MAST4: variants seen among roughly 807,000 people sequenced by gnomAD.
The protein encoded by MAST4 is microtubule associated serine/threonine kinase family member 4, also known as microtubule-associated serine/threonine-protein kinase 4.
In MAST4, 89 loss-of-function variants were observed where a neutral mutation model predicts 162.7. The observed-to-expected ratio is 0.55, with a 90% CI of 0.46 to 0.65. The LOEUF is 0.65. Ranked by LOEUF, MAST4 falls within the 30% of genes least tolerant of loss-of-function variation. The probability of loss-of-function intolerance (pLI) is 0.00; values close to 1 mark genes in which losing one functional copy is unlikely to be tolerated. For missense variants in MAST4, 3,153 were observed against 3,374.0 expected (o/e 0.93, Z 1.62); for synonymous variants, 1,479 against 1,361.1 (o/e 1.09, Z -1.91).
chr5:66,809,831 G>A (rs1033968036), intron 3 of MAST4, among the ~76,000 whole-genome samples: 4 of 152,150 alleles, frequency 2.6e-5, no homozygotes, highest in African/African-American at 9.7e-5. Flanking sequence ...CAACTCCCTG[G>A]TTCAAGTGAT....
chr5:66,987,776 A>G (rs1166415115), intron 4 of MAST4, among the ~76,000 whole-genome samples: 1 of 152,192 alleles, frequency 6.6e-6, no homozygotes, highest in Admixed American at 6.5e-5. Context: ...TTTAGGGATG[A>G]TTATATAAAC....
chr5:67,157,934 T>G (rs1434245817), intron 26 of MAST4, among the ~76,000 whole-genome samples: 1 of 152,206 alleles, frequency 6.6e-6, no homozygotes, highest in Non-Finnish European at 1.5e-5. Flanking sequence ...AAGTCAATCC[T>G]GAATTGTATT....
Position 67,163,541 on chromosome 5 carries a change from C to A in MAST4, c.4362C>A (p.Tyr1454Ter). ...VQSEEKLSPSYGSDKKHLCSR... is the reference protein window; with the variant it reads ...VQSEEKLSPS ...CCGAGGAGAAGCTGTCGCCCTCTTA[C>A]GGCAGTGACAAGAAGCACCTGTGCT... The change falls in exon 29 of 29, where the codon TAC becomes TAA. Residue 1454 changes from tyrosine (Y) to a stop codon, truncating the protein, a stop_gained. Transcript: ENST00000403625. LOFTEE classifies it low-confidence loss of function (END_TRUNC). The surrounding 1 kb of genome is among the most constrained non-coding windows in gnomAD (Gnocchi z 7.0). The A allele has an allele frequency of 6.2e-7, 1 of 1,601,150 alleles. No individual in the cohort carries two copies. The highest frequency in any genetic ancestry group is 8.5e-7 in the Non-Finnish European group (1 of 1,174,274).
At chr5:67,070,487 A>C (rs539228953) in intron 5 of MAST4, among the ~76,000 whole-genome samples, 27 of 152,342 alleles carry the variant, frequency 1.8e-4, no homozygotes, top group South Asian at 6.2e-4. Flanking sequence ...CTTTACTAGC[A>C]GGGTAGAAGT....
At chr5:66,900,945 T>C (rs1450744309) in intron 4 of MAST4, among the ~76,000 whole-genome samples, 1 of 152,150 alleles carries the variant, frequency 6.6e-6, no homozygotes, top group African/African-American at 2.4e-5. Flanking sequence ...ACTGGATTAT[T>C]ATTTTCGGAG....
At chr5:66,848,779 A>T (rs1759080196) in intron 3 of MAST4, among the ~76,000 whole-genome samples, 1 of 151,980 alleles carries the variant, frequency 6.6e-6, no homozygotes, top group South Asian at 2.1e-4. Context: ...TACTTATGAA[A>T]GTTGTACTCA....
intron 4 of MAST4, among the ~76,000 whole-genome samples, chr5:66,918,973 C>T (rs537853623): frequency 4.9e-4 from 75 of 151,970 alleles, no homozygotes; most frequent in Non-Finnish European, 9.0e-4. Context: ...CATGGTGGCA[C>T]GTGCCTGTAA....
At chr5:66,810,250 G>T (rs1045574811) in intron 3 of MAST4, among the ~76,000 whole-genome samples, 11 of 152,160 alleles carry the variant, frequency 7.2e-5, no homozygotes, top group Admixed American at 2.0e-4. Flanking sequence ...GATGGATGGT[G>T]TAACAAATAC....
intron 1 of MAST4, among the ~76,000 whole-genome samples, chr5:66,714,657 A>G (rs1405025805): frequency 1.3e-5 from 2 of 152,250 alleles, no homozygotes; most frequent in African/African-American, 4.8e-5. Context: ...AACTGAATAT[A>G]ATACCTACAA....
intron 3 of MAST4, among the ~76,000 whole-genome samples, chr5:66,842,510 G>A (rs950445723): frequency 4.6e-5 from 7 of 152,092 alleles, no homozygotes; most frequent in Admixed American, 6.5e-5. Flanking sequence ...CCACGTGTGG[G>A]TTCACTGACC....
chr5:67,161,128 G>C (rs1293037482), intron 27 of MAST4, among the ~76,000 whole-genome samples: 1 of 152,210 alleles, frequency 6.6e-6, no homozygotes, highest in Non-Finnish European at 1.5e-5. Context: ...TTTTTGTGCT[G>C]CTTGCAGACA....
At chr5:66,881,662 A>G (rs1465289401) in intron 3 of MAST4, among the ~76,000 whole-genome samples, 2 of 152,340 alleles carry the variant, frequency 1.3e-5, no homozygotes, top group Admixed American at 1.3e-4. Flanking sequence ...TTGCCAAGAT[A>G]GGATTAGTGA....
At chr5:67,069,502 A>G (rs1289770076) in intron 5 of MAST4, among the ~76,000 whole-genome samples, 1 of 151,936 alleles carries the variant, frequency 6.6e-6, no homozygotes, top group Non-Finnish European at 1.5e-5. Flanking sequence ...TATTAAAGAT[A>G]AAAGAATGGG....
rs186808694 is a variant in MAST4, at chr5:66,928,590, G to A, written c.674+28608G>A. 1.5e-3 allele frequency among the ~76,000 whole-genome samples: 233 copies of A among 152,114 alleles called. 1 individual carries two copies. Among genetic ancestry groups the A allele is most frequent in the African/African-American group, 5.1e-3 (210 of 41,452 alleles). ...CTCTACTACATTACCTGTTAAATTG[G>A]CCTTTGTGGGTAAACCTAGAAACCT... On this transcript the variant is annotated intron_variant, in intron 4 of 28. Transcript: ENST00000403625.
Position 66,791,466 on chromosome 5 carries a change from T to C in MAST4, c.642+2672T>C. ...CAGTAAGAACTATTAATAGAAAACA[T>C]GAGAAGAGTACCTCCCAAAATCTAT... On this transcript the variant is annotated intron_variant, in intron 3 of 28. Coordinates refer to ENST00000403625, the MANE Select transcript of MAST4 (RefSeq NM_001164664.2). Among the ~76,000 whole-genome samples the C allele has an allele frequency of 1.3e-5, 2 of 152,182 alleles. 1 individual carries two copies. Among genetic ancestry groups the C allele is most frequent in the East Asian group, 3.8e-4 (2 of 5,204 alleles).
At position 67,166,518 on chromosome 5, in the gene MAST4, A is replaced by T; in HGVS notation, c.7339A>T (p.Ser2447Cys). 1.2e-6 allele frequency: 2 copies of T among 1,607,662 alleles called. No homozygotes were observed. Among genetic ancestry groups the T allele is most frequent in the Non-Finnish European group, 1.7e-6 (2 of 1,177,152 alleles). The change falls in exon 29 of 29, where the codon AGT becomes TGT. Residue 2447 changes from serine (S) to cysteine (C), a missense_variant. Around this residue, in one of 7 missense-constraint regions of MAST4, gnomAD observed 1,644 missense variants for 1,495.0 expected, o/e 1.10. Coordinates refer to ENST00000403625, the MANE Select transcript of MAST4 (RefSeq NM_001164664.2). Reference sequence around the variant, plus strand: ...ACGGTCCCCCTCAGCCACTGGGCAGAGTTCTTTCCGATCCACGGCCCTCCC... The same window carrying T: ...ACGGTCCCCCTCAGCCACTGGGCAGTGTTCTTTCCGATCCACGGCCCTCCC... ...MKRSPSATGQ[S>C]SFRSTALPEK... is the part of the protein sequence containing the mutation.
intron 18 of MAST4, 142 bp downstream of exon 18, chr5:67,134,830 G>A: frequency 4.8e-6 from 3 of 627,914 alleles, no homozygotes; most frequent in Non-Finnish European, 7.8e-6. Context: ...ACTCATCAAA[G>A]CATATAACTG....
At chr5:66,948,452 A>G (rs1354835958) in intron 4 of MAST4, among the ~76,000 whole-genome samples, 1 of 151,636 alleles carries the variant, frequency 6.6e-6, no homozygotes, top group Non-Finnish European at 1.5e-5. Flanking sequence ...CTTCTTTTCC[A>G]CCTCCTGAAA....
chr5:66,596,672 C>T lies in MAST4; in HGVS notation c.17C>T (p.Ser6Leu), dbSNP rs771686348. ...GACAGGGAAATGGGGGAGAAAGTTT[C>T]GGAGGCGCCAGAGCCGGTGCCCCGC... Reference protein sequence around the residue: MGEKVSEAPEPVPRGC... With the variant: MGEKVLEAPEPVPRGC... Residue 6 changes from serine to leucine, a missense_variant, in exon 1 of 29, where the codon TCG (serine) becomes TTG (leucine). Physicochemically the swap from Ser to Leu is moderately radical, Grantham distance 145. Around this residue, in one of 7 missense-constraint regions of MAST4, gnomAD observed 327 missense variants for 336.5 expected, o/e 0.97. Coordinates refer to ENST00000403625, the MANE Select transcript of MAST4 (RefSeq NM_001164664.2). 7 of 1,463,974 alleles carry T rather than the reference C, an allele frequency of 4.8e-6. No individual in the cohort carries two copies. The Admixed American group carries it at 1.5e-4, about 30-fold the overall frequency. 90.7% of individuals were successfully genotyped at this position (1,463,974 alleles called of 1,614,324 possible).
Sources: gnomAD v4.1 joint callset for allele counts (sites outside exome capture counted in the v4.1 genomes callset) on GRCh38, gnomAD v4.1.1 for gene constraint, gnomAD v4.1.1 regional missense constraint, Gnocchi (gnomAD v3.1) non-coding constraint, MANE v1.5 for transcripts, NCBI Gene and HGNC (gene_info 2026-07-23, HGNC 2026-07-21) for gene names.